The following NUBPL variants were observed in gnomAD, a reference collection of about 807,000 sequenced individuals.
NUBPL encodes the protein NUBP iron-sulfur cluster assembly factor, mitochondrial, also known as iron-sulfur cluster transfer protein NUBPL.
In NUBPL, 31 loss-of-function variants were observed where a neutral mutation model predicts 45.7. The observed-to-expected ratio is 0.68, with a 90% CI of 0.51 to 0.92. The LOEUF (loss-of-function observed/expected upper bound fraction) is 0.92, where lower values mean the gene tolerates loss of function less well. Ranked by LOEUF, NUBPL falls within the 40% of genes least tolerant of loss-of-function variation. The pLI, the probability that NUBPL is intolerant of heterozygous loss-of-function variation, is 0.00. For synonymous variants in NUBPL, 144 were observed against 140.9 expected (o/e 1.02, Z -0.15); for missense variants, 401 against 398.7 (o/e 1.01, Z -0.05).
chr14:31,652,236 C>A (rs1320662395), intron 4 of NUBPL, among the ~76,000 whole-genome samples: 1 of 115,810 alleles, frequency 8.6e-6, no homozygotes, highest in Non-Finnish European at 2.2e-5. Flanking sequence ...TGTGCGGAAT[C>A]TAAAAAAAGT....
intron 3 of NUBPL, among the ~76,000 whole-genome samples, chr14:31,580,024 C>T (rs2033820826): frequency 1.3e-5 from 2 of 152,192 alleles, no homozygotes; most frequent in African/African-American, 2.4e-5. Context: ...TGAGGCTTGC[C>T]TCTTGGTTGT....
At chr14:31,710,609 CT>C (rs1021143389) in intron 6 of NUBPL, among the ~76,000 whole-genome samples, 1 of 152,178 alleles carries the variant, frequency 6.6e-6, no homozygotes, top group African/African-American at 2.4e-5. Flanking sequence ...TGTTAGAGTC[CT>C]AAACATTCTC....
rs535822019 is a variant in NUBPL, at chr14:31,826,970, A to G, written c.693+256A>G. ...GAAGTGCTACTTCTCTCATACTTGCAGCTATCACTGACAAAAAAAATTACA... is the reference window on the plus strand; with the variant it reads ...GAAGTGCTACTTCTCTCATACTTGCGGCTATCACTGACAAAAAAAATTACA... On this transcript the variant is annotated intron_variant, in intron 8 of 10. Transcript: ENST00000281081. Among the ~76,000 whole-genome samples the G allele has an allele frequency of 3.3e-5, 5 of 152,322 alleles. No individual in the cohort carries two copies. The East Asian group carries it at 9.6e-4, about 29-fold the overall frequency.
chr14:31,678,754 G>C (rs1036063820), intron 6 of NUBPL, among the ~76,000 whole-genome samples: 1 of 152,092 alleles, frequency 6.6e-6, no homozygotes, highest in Non-Finnish European at 1.5e-5. Flanking sequence ...CCTGGGGTTG[G>C]GGGAGTGTTG....
At chr14:31,736,572 A>T (rs1418348975) in intron 6 of NUBPL, among the ~76,000 whole-genome samples, 1 of 152,168 alleles carries the variant, frequency 6.6e-6, no homozygotes, top group African/African-American at 2.4e-5. Context: ...ATAGTATTAC[A>T]CTGTATTATG....
rs549776634 is a variant in NUBPL, at chr14:31,650,433, G to A, written c.383-22922G>A. Reference sequence around the variant, plus strand: ...GCCTCCGAGGTAGCTGGGACTACAGGCGCCCGCCACCACACCCGGCTAATT... The same window carrying A: ...GCCTCCGAGGTAGCTGGGACTACAGACGCCCGCCACCACACCCGGCTAATT... On this transcript the variant is annotated intron_variant, in intron 4 of 10. Transcript: ENST00000281081. Among the ~76,000 whole-genome samples the A allele has an allele frequency of 3.9e-5, 6 of 151,940 alleles. No homozygotes were observed. The South Asian group carries it at 1.2e-3, about 32-fold the overall frequency.
intron 6 of NUBPL, among the ~76,000 whole-genome samples, chr14:31,712,619 G>A (rs2037601886): frequency 6.6e-6 from 1 of 152,262 alleles, no homozygotes; most frequent in Non-Finnish European, 1.5e-5. Flanking sequence ...CTCGAGTGCA[G>A]CCAGAGAGGA....
intron 6 of NUBPL, among the ~76,000 whole-genome samples, chr14:31,728,586 G>A (rs937575244): frequency 6.6e-6 from 1 of 152,142 alleles, no homozygotes; most frequent in Non-Finnish European, 1.5e-5. Flanking sequence ...CTCAGTTAAT[G>A]ACTGCAAAGT....
chr14:31,571,298 C>T (rs2033574935), intron 3 of NUBPL, among the ~76,000 whole-genome samples: 1 of 150,912 alleles, frequency 6.6e-6, no homozygotes, highest in Non-Finnish European at 1.5e-5. Flanking sequence ...TGATGTGCAC[C>T]TCTTGTTCTG....
intron 6 of NUBPL, among the ~76,000 whole-genome samples, chr14:31,710,378 C>T (rs1160801033): frequency 6.6e-6 from 1 of 152,090 alleles, no homozygotes; most frequent in African/African-American, 2.4e-5. Context: ...GAACCCACAA[C>T]AATCCCTGGA....
chr14:31,793,828 C>CTT (rs55698198), intron 7 of NUBPL, among the ~76,000 whole-genome samples: 55,524 of 127,408 alleles, frequency 0.44, 12,032 homozygotes, highest in African/African-American at 0.51. Flanking sequence ...CCTTATCTTT[C>CTT]TTTTTTTTTT....
At chr14:31,663,286 T>C (rs2036320046) in intron 4 of NUBPL, among the ~76,000 whole-genome samples, 1 of 152,242 alleles carries the variant, frequency 6.6e-6, no homozygotes, top group Non-Finnish European at 1.5e-5. Context: ...GCCATTGCTT[T>C]TGGTGTTTTA....
intron 3 of NUBPL, among the ~76,000 whole-genome samples, chr14:31,571,802 A>G (rs1242439132): frequency 6.6e-6 from 1 of 152,088 alleles, no homozygotes; most frequent in Non-Finnish European, 1.5e-5. Flanking sequence ...TTGTATTATT[A>G]TTGCACTCAT....
chr14:31,638,786 T>G (rs1235244671), intron 4 of NUBPL, among the ~76,000 whole-genome samples: 1 of 152,132 alleles, frequency 6.6e-6, no homozygotes, highest in East Asian at 1.9e-4. Flanking sequence ...CTTTGTTCGT[T>G]TCTATTCTTT....
intron 4 of NUBPL, among the ~76,000 whole-genome samples, chr14:31,611,608 G>A (rs1333754605): frequency 6.6e-6 from 1 of 152,088 alleles, no homozygotes; most frequent in Non-Finnish European, 1.5e-5. Context: ...ATCCAGAATA[G>A]CCAAAGCTAA....
At position 31,762,709 on chromosome 14, in the gene NUBPL, A is replaced by G. The variant is rs2138733312; in HGVS notation, c.514-25071A>G. On this transcript the variant is annotated intron_variant, in intron 6 of 10. Coordinates refer to ENST00000281081, the MANE Select transcript of NUBPL (RefSeq NM_025152.3). The stretch of plus-strand genomic sequence containing the variant: ...TTTTGGGAAATTGTTGCTCCTGCAC[A>G]TTGGGACTTCTGTGGCCCACACTGC... 1.3e-5 allele frequency among the ~76,000 whole-genome samples: 2 copies of G among 152,280 alleles called. 1 individual carries two copies. The highest frequency in any genetic ancestry group is 4.1e-4 in the South Asian group (2 of 4,824).
chr14:31,784,722 T>C lies in NUBPL; in HGVS notation c.514-3058T>C, dbSNP rs573608300. On this transcript the variant is annotated intron_variant, in intron 6 of 10. Transcript: ENST00000281081. ...AACCCTGTATTGAGAATGAATTCATTATGTTCATCATTTCATCAGTCTATT... is the reference window on the plus strand; with the variant it reads ...AACCCTGTATTGAGAATGAATTCATCATGTTCATCATTTCATCAGTCTATT... 3.3e-5 allele frequency among the ~76,000 whole-genome samples: 5 copies of C among 152,314 alleles called. No homozygotes were observed. The East Asian group carries it at 5.8e-4, about 18-fold the overall frequency.
In NUBPL at chr14:31,574,582, CTTTTTTTTTTT is replaced by C. The variant is rs71115022; in HGVS notation, c.291+9547_291+9557del. 1.5e-4 allele frequency among the ~76,000 whole-genome samples: 10 copies of C among 66,950 alleles called. No homozygotes were observed. In the East Asian group the frequency reaches 4.1e-3, roughly 28 times the overall value. The allele number at this position is 66,950 out of a possible 152,430, so 43.9% of individuals were successfully genotyped here. On this transcript the variant is annotated intron_variant, in intron 3 of 10. Transcript: ENST00000281081. Reference sequence around the variant, plus strand: ...GCCTGGCCTACTCGATTCTTTCCTTCTTTTTTTTTTTTTTTTTTTTTTTGGAGAGATGGAGT... The same window carrying C: ...GCCTGGCCTACTCGATTCTTTCCTTCTTTTTTTTTTTTGGAGAGATGGAGT...
chr14:31,738,911 T>C (rs926363368), intron 6 of NUBPL, among the ~76,000 whole-genome samples: 2 of 152,182 alleles, frequency 1.3e-5, no homozygotes, highest in South Asian at 2.1e-4. Flanking sequence ...TGATCATTTA[T>C]AGTCAGCTTC....
Sources: gnomAD v4.1 joint callset for allele counts (sites outside exome capture counted in the v4.1 genomes callset) on GRCh38, gnomAD v4.1.1 for gene constraint, MANE v1.5 for transcripts, NCBI Gene and HGNC (gene_info 2026-07-23, HGNC 2026-07-21) for gene names.